The following TNIP3 variants were observed in gnomAD, a reference collection of about 807,000 sequenced individuals.
TNIP3 encodes the protein TNFAIP3-interacting protein 3.
A neutral mutation model predicts 54.1 loss-of-function variants in TNIP3; 34 were observed. That is an observed-to-expected ratio of 0.63 (90% CI 0.48 to 0.84). TNIP3 has a LOEUF of 0.84. Ranked by LOEUF, TNIP3 falls within the 40% of genes least tolerant of loss-of-function variation. The probability of loss-of-function intolerance (pLI) is 0.00; values close to 1 mark genes in which losing one functional copy is unlikely to be tolerated. For synonymous variants in TNIP3, 134 were observed against 136.8 expected (o/e 0.98, Z 0.14); for missense variants, 366 against 387.6 (o/e 0.94, Z 0.47).
At chr4:121,205,612 G>C (rs774362461) in intron 2 of TNIP3, among the ~76,000 whole-genome samples, 1 of 152,080 alleles carries the variant, frequency 6.6e-6, no homozygotes, top group South Asian at 2.1e-4. Flanking sequence ...ATGCAGGCTA[G>C]GGATGCTAGT....
At chr4:121,180,268 C>CG (rs780426779) in intron 3 of TNIP3, among the ~76,000 whole-genome samples, 209 of 152,010 alleles carry the variant, frequency 1.4e-3, no homozygotes, top group Middle Eastern at 3.4e-3. Context: ...GATGTGGTGG[C>CG]GGGCGCCTGT....
At chr4:121,151,343 G>T (rs764073317) in intron 5 of TNIP3, among the ~76,000 whole-genome samples, 2 of 152,104 alleles carry the variant, frequency 1.3e-5, no homozygotes, top group Non-Finnish European at 2.9e-5. Context: ...TGGTCATAAA[G>T]GTAGGAAAAG....
upstream of TNIP3, among the ~76,000 whole-genome samples, chr4:121,167,125 G>A (rs1730809583): frequency 6.6e-6 from 1 of 152,094 alleles, no homozygotes; most frequent in South Asian, 2.1e-4. Context: ...ATGACAAAAG[G>A]AAAGGGAAAT....
chr4:121,138,614 G>A lies in TNIP3; in HGVS notation c.946+10C>T. ...ACATGAAAGAATGCTCAATACAGCT[G>A]TGGTCTCACCATTTGCCTTGTGTTG... is the stretch of plus-strand genomic sequence containing the variant. On this transcript the variant is annotated intron_variant, in intron 10 of 10. Transcript: ENST00000057513. 4 of 1,612,522 alleles carry A rather than the reference G, an allele frequency of 2.5e-6. No individual in the cohort carries two copies. In the Admixed American group the frequency reaches 5.0e-5, roughly 20 times the overall value.
chr4:121,173,368 C>T (rs1006823584), intron 3 of TNIP3, among the ~76,000 whole-genome samples: 7 of 152,042 alleles, frequency 4.6e-5, no homozygotes, highest in Non-Finnish European at 1.0e-4. Context: ...TTTGCATTTC[C>T]AAAATAGAAA....
At chr4:121,149,445 C>T (rs147055226) in intron 6 of TNIP3, among the ~76,000 whole-genome samples, 1 of 152,208 alleles carries the variant, frequency 6.6e-6, no homozygotes, top group Non-Finnish European at 1.5e-5. Flanking sequence ...CTGAAAAAGT[C>T]CAGAGTTGGG....
At chr4:121,222,430 G>T (rs1479186149) in intron 1 of TNIP3, among the ~76,000 whole-genome samples, 1 of 152,104 alleles carries the variant, frequency 6.6e-6, no homozygotes. Context: ...TGTCTCTCAC[G>T]TTTAACAGAC....
chr4:121,224,661 C>A (rs941978191), intron 1 of TNIP3, among the ~76,000 whole-genome samples: 2 of 152,050 alleles, frequency 1.3e-5, no homozygotes, highest in African/African-American at 2.4e-5. Context: ...GATAATCTTT[C>A]TACTCATTTT....
chr4:121,183,666 G>A (rs1724843633), intron 2 of TNIP3, among the ~76,000 whole-genome samples: 1 of 152,060 alleles, frequency 6.6e-6, no homozygotes, highest in Non-Finnish European at 1.5e-5. Flanking sequence ...AGTGGCATTA[G>A]ATTCTCATAG....
intron 3 of TNIP3, among the ~76,000 whole-genome samples, chr4:121,175,070 C>G (rs564176986): frequency 6.6e-6 from 1 of 152,314 alleles, no homozygotes; most frequent in Non-Finnish European, 1.5e-5. Flanking sequence ...ATTTGCTAAA[C>G]AACTCTTATG....
At chr4:121,212,161 CA>C in intron 2 of TNIP3, among the ~76,000 whole-genome samples, 1 of 152,322 alleles carries the variant, frequency 6.6e-6, no homozygotes, top group East Asian at 1.9e-4. Flanking sequence ...GCAGACAGAA[CA>C]AAAGGTGTAC....
At chr4:121,187,402 C>T (rs1479090197) in intron 2 of TNIP3, among the ~76,000 whole-genome samples, 1 of 152,114 alleles carries the variant, frequency 6.6e-6, no homozygotes, top group Non-Finnish European at 1.5e-5. Context: ...TAAGCTTGAG[C>T]GTCAGTGAGG....
At chr4:121,219,296 T>C (rs1304787914), upstream of TNIP3, among the ~76,000 whole-genome samples, 2 of 152,212 alleles carry the variant, frequency 1.3e-5, no homozygotes, top group African/African-American at 4.8e-5. Context: ...CACATGTCTT[T>C]GTTTCCATCT....
Position 121,157,178 on chromosome 4 carries a change from C to A in TNIP3, c.279G>T (p.Pro93=). ...TGTCGTCCTTTCTCTGCCTCTGATG[C>A]GGATCCTTCTCCCGCGTGCTGAGGA... The part of the protein sequence containing the change: ...ERFLSTREKD[P]HQRQRKDDRQ... The change falls in exon 4 of 11, where the codon CCG becomes CCT. Residue 93 remains proline, a synonymous_variant. Coordinates refer to ENST00000057513, the MANE Select transcript of TNIP3 (RefSeq NM_024873.6). 6.2e-7 allele frequency: 1 copy of A among 1,614,090 alleles called. No individual in the cohort carries two copies. The highest frequency in any genetic ancestry group is 8.5e-7 in the Non-Finnish European group (1 of 1,180,014).
intron 2 of TNIP3, among the ~76,000 whole-genome samples, chr4:121,189,760 G>T (rs547586915): frequency 6.6e-6 from 1 of 152,204 alleles, no homozygotes; most frequent in Admixed American, 6.5e-5. Context: ...TCGAAGAATT[G>T]TATTTGCATG....
intron 8 of TNIP3, among the ~76,000 whole-genome samples, chr4:121,142,343 T>C (rs953501420): frequency 6.6e-6 from 1 of 152,178 alleles, no homozygotes; most frequent in Non-Finnish European, 1.5e-5. Flanking sequence ...AGAGAACCCA[T>C]GGGATAGAAT....
At chr4:121,176,658 T>TAAA (rs34936208) in intron 3 of TNIP3, among the ~76,000 whole-genome samples, 4 of 145,336 alleles carry the variant, frequency 2.8e-5, no homozygotes, top group Admixed American at 2.7e-4. Flanking sequence ...AGATTTTGAT[T>TAAA]AAAAAAAAAA....
intron 2 of TNIP3, among the ~76,000 whole-genome samples, chr4:121,205,563 T>C (rs13143534): frequency 0.28 from 41,859 of 151,912 alleles, 6,080 homozygotes; most frequent in African/African-American, 0.35. Flanking sequence ...GGGAAGCATA[T>C]GTAAAGGTAC....
At position 121,154,637 on chromosome 4, in the gene TNIP3, C is replaced by T; in HGVS notation, c.406G>A (p.Glu136Lys). ...TTTCCCTTTAAAAGTTTATTCTCTT[C>T]TTTCAATTCATGTAATTCTTCATTT... is the stretch of plus-strand genomic sequence containing the variant. Reference protein sequence around the residue: ...RLNEELHELKEENKLLKGKNT... With the variant: ...RLNEELHELKKENKLLKGKNT... The change falls in exon 5 of 11, where the codon GAA becomes AAA. Residue 136 changes from glutamate (E) to lysine (K), a missense_variant. Transcript: ENST00000057513. 1 of 1,612,588 alleles carries T rather than the reference C, an allele frequency of 6.2e-7. No homozygotes were observed. Among genetic ancestry groups the T allele is most frequent in the African/African-American group, 1.3e-5 (1 of 74,880 alleles).
Sources: gnomAD v4.1 joint callset for allele counts (sites outside exome capture counted in the v4.1 genomes callset) on GRCh38, gnomAD v4.1.1 for gene constraint, MANE v1.5 for transcripts, NCBI Gene and HGNC (gene_info 2026-07-23, HGNC 2026-07-21) for gene names.